Variants in TRAF6 observed in about 807,000 individuals in gnomAD.
The protein encoded by TRAF6 is TNF receptor-associated factor 6.
TRAF6 carries 10 observed loss-of-function variants against 48.4 expected under a neutral mutation model. That is an observed-to-expected ratio of 0.21 (90% CI 0.13 to 0.35). TRAF6 has a LOEUF of 0.35. Ranked by LOEUF, TRAF6 falls within the 10% of genes least tolerant of loss-of-function variation. The pLI is 1.00. For missense variants in TRAF6, 397 were observed against 661.0 expected, an observed-to-expected ratio of 0.60 and a Z score of 4.38; for synonymous variants, 186 against 219.6, an observed-to-expected ratio of 0.85 and a Z score of 1.35.
intron 4 of TRAF6, among the ~76,000 whole-genome samples, chr11:36,495,710 T>A (rs1859621162): frequency 6.6e-6 from 1 of 152,002 alleles, no homozygotes; most frequent in South Asian, 2.1e-4. Flanking sequence ...CTGACCAACA[T>A]GGAGAAACCC....
Position 36,484,626 on chromosome 11 carries a change from C to T in TRAF6, c.*5212G>A, listed in dbSNP as rs138835205. 3.2e-3 allele frequency among the ~76,000 whole-genome samples: 257 copies of T among 80,044 alleles called. 1 individual carries two copies. Among genetic ancestry groups the T allele is most frequent in the African/African-American group, 6.8e-3 (222 of 32,702 alleles). The allele number at this position is 80,044 out of a possible 152,430, so 52.5% of individuals were successfully genotyped here. On this transcript the variant is annotated 3_prime_UTR_variant, in exon 7 of 7. Transcript: ENST00000526995. ...TTTCTACTTTACAAGGAAAAGGACA[C>T]GAAGACAAAACTGATTGACCCATGG... is the stretch of plus-strand genomic sequence containing the variant.
intron 1 of TRAF6, among the ~76,000 whole-genome samples, chr11:36,505,199 T>G (rs1048790538): frequency 3.9e-5 from 6 of 152,206 alleles, no homozygotes; most frequent in African/African-American, 1.4e-4. Context: ...GGAATAGACT[T>G]GTCTGTAGCT....
At chr11:36,507,177 ATG>A (rs1859799837) in intron 1 of TRAF6, among the ~76,000 whole-genome samples, 1 of 91,878 alleles carries the variant, frequency 1.1e-5, no homozygotes, top group Admixed American at 1.4e-4. Context: ...ACATACATAA[ATG>A]TATATATGTA....
chr11:36,504,282 T>C (rs555023974), intron 1 of TRAF6, among the ~76,000 whole-genome samples: 10 of 152,360 alleles, frequency 6.6e-5, no homozygotes, highest in African/African-American at 2.4e-4. Flanking sequence ...CTTTCAAAAA[T>C]AGCGTTAATC....
chr11:36,501,055 A>G (rs1859708807), intron 2 of TRAF6, among the ~76,000 whole-genome samples, 165 bp downstream of exon 2: 2 of 152,196 alleles, frequency 1.3e-5, no homozygotes, highest in Admixed American at 6.5e-5. Flanking sequence ...CAACAGTGGA[A>G]ACTGGGATAA....
intron 6 of TRAF6, among the ~76,000 whole-genome samples, chr11:36,491,429 A>C (rs1217658152): frequency 6.6e-6 from 1 of 152,208 alleles, no homozygotes; most frequent in African/African-American, 2.4e-5. Flanking sequence ...TCTAAGCACA[A>C]TACAGAATTT....
rs916447705 is a variant in TRAF6, at chr11:36,490,148, C to T, written c.1259G>A (p.Ser420Asn). 1.2e-6 allele frequency: 2 copies of T among 1,614,152 alleles called. No homozygotes were observed. The highest frequency in any genetic ancestry group is 1.7e-5 in the Admixed American group (1 of 60,020). Residue 420 changes from serine to asparagine, a missense_variant, in exon 7 of 7, where the codon AGC becomes AAC. Ser to Asn is a conservative substitution (Grantham distance 46, BLOSUM62 1). This residue lies in a region of TRAF6 where 74 missense variants were observed against 198.9 expected (regional missense o/e 0.37). Transcript: ENST00000526995. The surrounding 1 kb of genome is among the most constrained non-coding windows in gnomAD (Gnocchi z 6.4). The part of the protein sequence containing the change: ...FVHTMQGEYD[S>N]HLPWPFQGTI... The stretch of plus-strand genomic sequence containing the variant: ...ACCCTGGAAGGGCCAAGGGAGGTGG[C>T]TGTCATATTCTCCTTGCATTGTGTG...
At chr11:36,507,800 T>C (rs1048359931) in intron 1 of TRAF6, among the ~76,000 whole-genome samples, 7 of 143,822 alleles carry the variant, frequency 4.9e-5, no homozygotes, top group Admixed American at 1.4e-4. Context: ...ATTATATATG[T>C]GTATATATAC....
chr11:36,505,801 T>C (rs1446911910), intron 1 of TRAF6, among the ~76,000 whole-genome samples: 1 of 152,134 alleles, frequency 6.6e-6, no homozygotes, highest in African/African-American at 2.4e-5. Context: ...GGATTATTAA[T>C]TGGTCTAATT....
chr11:36,491,274 T>C (rs1290450136), intron 6 of TRAF6, among the ~76,000 whole-genome samples: 1 of 152,164 alleles, frequency 6.6e-6, no homozygotes, highest in African/African-American at 2.4e-5. Context: ...GAACACCCTA[T>C]TATACGAAAA....
intron 1 of TRAF6, among the ~76,000 whole-genome samples, chr11:36,508,118 C>G (rs1038369594): frequency 6.6e-6 from 1 of 152,052 alleles, no homozygotes; most frequent in Non-Finnish European, 1.5e-5. Context: ...GCTGGGATTA[C>G]AGGCATGAGC....
intron 1 of TRAF6, among the ~76,000 whole-genome samples, chr11:36,507,662 C>CGCGCGTGTATATATGTAT: frequency 3.2e-5 from 1 of 31,324 alleles, no homozygotes; most frequent in African/African-American, 9.8e-5. Context: ...TATACATACA[C>CGCGCGTGTATATATGTAT]ACGCGCGTGT....
At chr11:36,500,209 G>A (rs1328885008) in intron 2 of TRAF6, among the ~76,000 whole-genome samples, 1 of 152,134 alleles carries the variant, frequency 6.6e-6, no homozygotes, top group Non-Finnish European at 1.5e-5. Context: ...AGAAAATTAG[G>A]GCCAGGTGGA....
chr11:36,504,528 C>T (rs1449527900), intron 1 of TRAF6, among the ~76,000 whole-genome samples: 1 of 152,184 alleles, frequency 6.6e-6, no homozygotes, highest in Non-Finnish European at 1.5e-5. Context: ...CTTGCTATTT[C>T]TACCATCTTC....
Position 36,486,060 on chromosome 11 carries a change from A to G in TRAF6, c.*3778T>C, listed in dbSNP as rs562456491. 7.4e-6 allele frequency among the ~76,000 whole-genome samples: 1 copy of G among 135,234 alleles called. No homozygotes were observed. Among genetic ancestry groups the G allele is most frequent in the South Asian group, 2.6e-4 (1 of 3,812 alleles). The allele number at this position is 135,234 out of a possible 152,430, so 88.7% of individuals were successfully genotyped here. A position where few individuals can be genotyped will look rare whatever the true frequency, so the allele number is the denominator to read the frequency against. On this transcript the variant is annotated 3_prime_UTR_variant, in exon 7 of 7. Transcript: ENST00000526995. ...TGATGTTTTTGTTTTGTTTTGTGAGACAGTGTTGCACTCTGTCACCCAGGC... is the reference window on the plus strand; with the variant it reads ...TGATGTTTTTGTTTTGTTTTGTGAGGCAGTGTTGCACTCTGTCACCCAGGC...
rs1235243736 is a variant in TRAF6 at position 36,488,068 on chromosome 11, T to A, written c.*1770A>T. ...TTTTTAAATGGAACTTGACAATTAT[T>A]TATTCATTGTAAAATAATCACAGGA... On this transcript the variant is annotated 3_prime_UTR_variant, in exon 7 of 7. Transcript: ENST00000526995. 6.6e-6 allele frequency: 1 copy of A among 152,182 alleles called. No homozygotes were observed. Among genetic ancestry groups the A allele is most frequent in the East Asian group, 1.9e-4 (1 of 5,196 alleles). The allele number at this position is 152,182 out of a possible 1,614,324, so 9.4% of individuals were successfully genotyped here.
At chr11:36,497,830 T>C (rs1353865903) in intron 3 of TRAF6, among the ~76,000 whole-genome samples, 1 of 151,916 alleles carries the variant, frequency 6.6e-6, no homozygotes, top group Non-Finnish European at 1.5e-5. Context: ...TGGGAATTAC[T>C]GCTTATTTCA....
intron 1 of TRAF6, among the ~76,000 whole-genome samples, chr11:36,502,353 G>A (rs776064412): frequency 9.2e-5 from 14 of 152,128 alleles, no homozygotes; most frequent in Non-Finnish European, 1.6e-4. Flanking sequence ...AAAACTATTG[G>A]TTTCATGAGC....
chr11:36,509,205 T>C (rs1054546840), intron 1 of TRAF6, among the ~76,000 whole-genome samples: 4 of 152,218 alleles, frequency 2.6e-5, no homozygotes, highest in African/African-American at 7.2e-5. Flanking sequence ...CATTCAGTAA[T>C]AGTAATCTGC....
Sources: allele counts gnomAD v4.1 joint callset (sites outside exome capture counted in the v4.1 genomes callset), GRCh38; gene constraint gnomAD v4.1.1; regional missense constraint gnomAD v4.1.1; non-coding constraint Gnocchi (gnomAD v3.1); transcripts MANE v1.5; gene names NCBI Gene and HGNC (gene_info 2026-07-23, HGNC 2026-07-21).